Variants in GRIN2A observed in about 807,000 individuals in gnomAD.
GRIN2A encodes glutamate ionotropic receptor NMDA type subunit 2A.
A neutral mutation model predicts 113.4 loss-of-function variants in GRIN2A; 22 were observed. That is an observed-to-expected ratio of 0.19 (90% CI 0.14 to 0.28). The LOEUF (loss-of-function observed/expected upper bound fraction) is 0.28, where lower values mean the gene tolerates loss of function less well. GRIN2A is among the 10% of genes least tolerant of loss of function. GRIN2A has a pLI of 1.00. For synonymous variants in GRIN2A, 827 were observed against 738.4 expected, an observed-to-expected ratio of 1.12 and a Z score of -1.94; for missense variants, 1,502 against 1,887.0, an observed-to-expected ratio of 0.80 and a Z score of 3.78.
intron 2 of GRIN2A, among the ~76,000 whole-genome samples, chr16:9,940,320 C>T (rs1359255438): frequency 6.6e-6 from 1 of 152,162 alleles, no homozygotes; most frequent in East Asian, 1.9e-4. Flanking sequence ...TAAATGTCTT[C>T]TGGGCCCCTT....
At chr16:10,005,633 A>C (rs1162590649) in intron 2 of GRIN2A, among the ~76,000 whole-genome samples, 1 of 152,202 alleles carries the variant, frequency 6.6e-6, no homozygotes, top group Non-Finnish European at 1.5e-5. Flanking sequence ...GAGCTTTTAA[A>C]TCTTTAAGAG....
chr16:9,943,738 C>G (rs2141651932), intron 2 of GRIN2A, among the ~76,000 whole-genome samples: 1 of 152,286 alleles, frequency 6.6e-6, no homozygotes, highest in Non-Finnish European at 1.5e-5. Context: ...TGAGATGCAT[C>G]CAGTTTTCCC....
intron 2 of GRIN2A, among the ~76,000 whole-genome samples, chr16:10,176,040 T>C (rs1297718662): frequency 6.7e-6 from 1 of 148,156 alleles, no homozygotes; most frequent in African/African-American, 2.5e-5. Context: ...AGTCTCACTC[T>C]GTCACCCAGG....
At chr16:10,032,409 T>C (rs2046946974) in intron 2 of GRIN2A, among the ~76,000 whole-genome samples, 1 of 152,232 alleles carries the variant, frequency 6.6e-6, no homozygotes, top group South Asian at 2.1e-4. Flanking sequence ...ATTTGATACC[T>C]TCCACAGAGA....
intron 4 of GRIN2A, among the ~76,000 whole-genome samples, chr16:9,859,881 C>G (rs774245667): frequency 6.6e-6 from 1 of 152,122 alleles, no homozygotes; most frequent in South Asian, 2.1e-4. Context: ...TTAGAACACA[C>G]TTTCCCCTCA....
chr16:9,793,609 C>T (rs542500427), intron 11 of GRIN2A, among the ~76,000 whole-genome samples: 1 of 152,208 alleles, frequency 6.6e-6, no homozygotes, highest in South Asian at 2.1e-4. Flanking sequence ...CTTCTGTGAA[C>T]CCTGGCCCAT....
intron 2 of GRIN2A, among the ~76,000 whole-genome samples, chr16:10,051,271 G>A (rs555671184): frequency 4.6e-5 from 7 of 152,266 alleles, no homozygotes; most frequent in Non-Finnish European, 7.3e-5. Context: ...CCTCTCCATG[G>A]AATTCTAAGC....
rs75499250 is a variant in GRIN2A at position 10,162,485 on chromosome 16, G to A, written c.414+17513C>T. ...TTGTTCACAGTTCTCAAAGCTAGAA[G>A]TCTAAGACAAGGGAGCTGCAGGATT... is the stretch of plus-strand genomic sequence containing the variant. On this transcript the variant is annotated intron_variant, in intron 2 of 12. Coordinates refer to ENST00000330684, the MANE Select transcript of GRIN2A (RefSeq NM_001134407.3). Among the ~76,000 whole-genome samples, 140 of 152,348 alleles carry A rather than the reference G, an allele frequency of 9.2e-4. 2 individuals carry two copies. The East Asian group carries it at 0.021, about 22-fold the overall frequency.
intron 2 of GRIN2A, among the ~76,000 whole-genome samples, chr16:10,013,658 G>C (rs146705709): frequency 2.2e-4 from 34 of 152,242 alleles, no homozygotes; most frequent in African/African-American, 7.7e-4. Flanking sequence ...GCAAAGATTG[G>C]TACCAACCAG....
chr16:9,938,440 TA>T lies in GRIN2A; in HGVS notation c.525del (p.Ile176SerfsTer28). The T allele has an allele frequency of 6.2e-7, 1 of 1,613,880 alleles. No individual in the cohort carries two copies. The highest frequency in any genetic ancestry group is 2.2e-5 in the East Asian group (1 of 44,840). On this transcript the variant is annotated frameshift_variant, in exon 3 of 13. Coordinates refer to ENST00000330684, the MANE Select transcript of GRIN2A (RefSeq NM_001134407.3). LOFTEE classifies it high-confidence loss of function. ...ATGAATTCCCTGTAGCCAGGGAAGATAGTGGTCACCAGGGAGAAGACATGCC... is the reference window on the plus strand; with the variant it reads ...ATGAATTCCCTGTAGCCAGGGAAGATGTGGTCACCAGGGAGAAGACATGCC... ...YDWHVFSLVT[T>X]IFPGYREFIS... is the part of the protein sequence containing the mutation.
intron 10 of GRIN2A, among the ~76,000 whole-genome samples, chr16:9,800,963 G>T (rs922206746): frequency 6.6e-6 from 1 of 152,232 alleles, no homozygotes; most frequent in African/African-American, 2.4e-5. Flanking sequence ...CACTGGAGTA[G>T]TAGGTGAAAG....
chr16:9,930,003 T>A (rs1024206788), intron 3 of GRIN2A, among the ~76,000 whole-genome samples: 1 of 152,204 alleles, frequency 6.6e-6, no homozygotes, highest in Non-Finnish European at 1.5e-5. Context: ...TGGAAATGAT[T>A]GACTTGCATT....
chr16:9,860,110 A>C (rs1220830113), intron 4 of GRIN2A, among the ~76,000 whole-genome samples: 1 of 151,986 alleles, frequency 6.6e-6, no homozygotes, highest in Non-Finnish European at 1.5e-5. Context: ...GTTGAAGAAC[A>C]CAGCTTCCTA....
chr16:9,998,222 T>TA (rs2046260185), intron 2 of GRIN2A, among the ~76,000 whole-genome samples: 1 of 152,194 alleles, frequency 6.6e-6, no homozygotes, highest in South Asian at 2.1e-4. Context: ...CTGCGATTGA[T>TA]ATTTAGTCCA....
At chr16:9,960,296 G>A (rs182194696) in intron 2 of GRIN2A, among the ~76,000 whole-genome samples, 22 of 152,102 alleles carry the variant, frequency 1.4e-4, no homozygotes, top group Non-Finnish European at 2.2e-4. Context: ...AATTTTGCAT[G>A]TATACTTTTA....
At chr16:10,046,755 A>G (rs1180610200) in intron 2 of GRIN2A, among the ~76,000 whole-genome samples, 2 of 152,206 alleles carry the variant, frequency 1.3e-5, no homozygotes, top group Admixed American at 6.5e-5. Flanking sequence ...AGTGTGTATG[A>G]AAATGCATAA....
In GRIN2A at chr16:9,938,265, T is replaced by C; in HGVS notation, c.701A>G (p.Asp234Gly). ...SSVILLYCSK[D>G]EAVLILSEAR... is the part of the protein sequence containing the mutation. ...CTCACTCAGAATGAGAACAGCCTCG[T>C]CTTTGGAACAGTAGAGCAAGATGAC... The change falls in exon 3 of 13, where the codon GAC (aspartate) becomes GGC (glycine). Residue 234 changes from aspartate to glycine, a missense_variant. Transcript: ENST00000330684. 1 of 1,614,138 alleles carries C rather than the reference T, an allele frequency of 6.2e-7. No homozygotes were observed. Among genetic ancestry groups the C allele is most frequent in the Non-Finnish European group, 8.5e-7 (1 of 1,179,972 alleles).
chr16:10,164,667 G>T (rs575931821), intron 2 of GRIN2A, among the ~76,000 whole-genome samples: 1 of 152,280 alleles, frequency 6.6e-6, no homozygotes, highest in African/African-American at 2.4e-5. Context: ...TCCCCGCCAG[G>T]CTTCAAAATA....
intron 2 of GRIN2A, among the ~76,000 whole-genome samples, chr16:9,952,942 T>C (rs553112117): frequency 1.7e-4 from 26 of 151,412 alleles, no homozygotes; most frequent in African/African-American, 4.6e-4. Context: ...AGACAAGGAG[T>C]TAATGCTTTC....
Sources: gnomAD v4.1 joint callset for allele counts (sites outside exome capture counted in the v4.1 genomes callset) on GRCh38, gnomAD v4.1.1 for gene constraint, MANE v1.5 for transcripts, NCBI Gene and HGNC (gene_info 2026-07-23, HGNC 2026-07-21) for gene names.